AXL: variants seen among roughly 807,000 people sequenced by gnomAD.
AXL encodes the protein AXL receptor tyrosine kinase.
Under a neutral mutation model 104.5 loss-of-function variants are expected in AXL, and 52 were observed. The observed-to-expected ratio is 0.50, with a 90% CI of 0.40 to 0.63. AXL has a LOEUF of 0.63. AXL is among the 20% of genes least tolerant of loss of function. AXL has a pLI of 0.00. For synonymous variants in AXL, 455 were observed against 473.7 expected, an observed-to-expected ratio of 0.96 and a Z score of 0.51; for missense variants, 1,024 against 1,188.5, an observed-to-expected ratio of 0.86 and a Z score of 2.04.
In AXL at chr19:41,238,549, G is replaced by A. The variant is rs768522110; in HGVS notation, c.1074G>A (p.Ala358=). 36 of 1,613,800 alleles carry A rather than the reference G, an allele frequency of 2.2e-5. No individual in the cohort carries two copies. Among genetic ancestry groups the A allele is most frequent in the African/African-American group, 5.3e-5 (4 of 74,914 alleles). Residue 358 remains alanine (A), a synonymous_variant, in exon 8 of 20, where the codon GCG becomes GCA. Coordinates refer to ENST00000301178, the MANE Select transcript of AXL (RefSeq NM_021913.5). Reference sequence around the variant, plus strand: ...TCGTGCATTGGCAAGAGCCCCGGGCGCCCCTGCAGGGTACCCTGTTAGGGT... The same window carrying A: ...TCGTGCATTGGCAAGAGCCCCGGGCACCCCTGCAGGGTACCCTGTTAGGGT... ...QAFVHWQEPR[A]PLQGTLLGYR... is the part of the protein sequence containing the mutation.
At position 41,222,632 on chromosome 19, in the gene AXL, C is replaced by T. The variant is rs370690229; in HGVS notation, c.586+576C>T. ...AAGAAAGTAGGAGACAGAGGCTGGG[C>T]GTGGTGGCTCACGCCTGTAATCCCA... On this transcript the variant is annotated intron_variant, in intron 4 of 19. Coordinates refer to ENST00000301178, the MANE Select transcript of AXL (RefSeq NM_021913.5). 2.2e-4 allele frequency among the ~76,000 whole-genome samples: 33 copies of T among 152,266 alleles called. No individual in the cohort carries two copies. The East Asian group carries it at 4.2e-3, about 20-fold the overall frequency.
chr19:41,221,212 C>T lies in AXL; in HGVS notation c.375C>T (p.Thr125=), dbSNP rs1329536369. ...GTTTGGTGTTTCTGGGACATCAGAC[C>T]TTCGTGTCCCAGCCTGGCTATGTTG... ...YQCLVFLGHQ[T]FVSQPGYVGL... is the part of the protein sequence containing the mutation. Residue 125 remains threonine, a synonymous_variant, in exon 3 of 20, where the codon ACC becomes ACT. Coordinates refer to ENST00000301178, the MANE Select transcript of AXL (RefSeq NM_021913.5). 1 of 1,614,044 alleles carries T rather than the reference C, an allele frequency of 6.2e-7. No individual in the cohort carries two copies. The highest frequency in any genetic ancestry group is 1.7e-5 in the Admixed American group (1 of 59,986).
In AXL at chr19:41,219,403, G is replaced by A. The variant is rs779811231; in HGVS notation, c.11G>A (p.Arg4Gln). Residue 4 changes from arginine to glutamine, a missense_variant, in exon 1 of 20, where the codon CGG (arginine) becomes CAG (glutamine). Arg to Gln is a conservative substitution (Grantham distance 43). Transcript: ENST00000301178. Reference protein sequence around the residue: MAWRCPRMGRVPLA... With the variant: MAWQCPRMGRVPLA... ...GAAAGTTTGGCACCCATGGCGTGGC[G>A]GTGCCCCAGGATGGGCAGGGTCCCG... 28 of 1,600,246 alleles carry A rather than the reference G, an allele frequency of 1.7e-5. No homozygotes were observed. The highest frequency in any genetic ancestry group is 2.7e-5 in the African/African-American group (2 of 74,680).
Position 41,252,948 on chromosome 19 carries a change from G to T in AXL, c.1907G>T (p.Arg636Leu), listed in dbSNP as rs768766039. 6 of 1,614,026 alleles carry T rather than the reference G, an allele frequency of 3.7e-6. No individual in the cohort carries two copies. In the South Asian group the frequency reaches 4.4e-5, roughly 12 times the overall value. ...CTACACAGCTTCCTCCTCTATTCCC[G>T]GCTCGGGGACCAGCCAGTGGTAAGG... ...GDLHSFLLYS[R>L]LGDQPVYLPT... Residue 636 changes from arginine (R) to leucine (L), a missense_variant, in exon 16 of 20, where the codon CGG becomes CTG. Around this residue, in one of 5 missense-constraint regions of AXL, gnomAD observed 523 missense variants for 636.0 expected, o/e 0.82. Coordinates refer to ENST00000301178, the MANE Select transcript of AXL (RefSeq NM_021913.5).
chr19:41,230,685 GTGTGCC>G (rs550355942), intron 4 of AXL, among the ~76,000 whole-genome samples: 201 of 152,008 alleles, frequency 1.3e-3, no homozygotes, highest in Non-Finnish European at 2.3e-3. Context: ...GAGACAGTGT[GTGTGCC>G]TGTGCCTGTG....
intron 18 of AXL, 23 bp from the exon 19 acceptor site, chr19:41,257,470 C>G: frequency 6.2e-7 from 1 of 1,613,990 alleles, no homozygotes; most frequent in Non-Finnish European, 8.5e-7. Flanking sequence ...GAGAGACTGT[C>G]TAATTCCCTC....
At position 41,220,686 on chromosome 19, in the gene AXL, G is replaced by C; in HGVS notation, c.136G>C (p.Gly46Arg). The part of the protein sequence containing the change: ...PFVGNPGNIT[G>R]ARGLTGTLRC... ...CGTGGGCAACCCAGGGAATATCACA[G>C]GTGCCCGGGGACTCACGGGCACCCT... Residue 46 changes from glycine (G) to arginine (R), a missense_variant, in exon 2 of 20, where the codon GGT (glycine) becomes CGT (arginine). Around this residue, in one of 5 missense-constraint regions of AXL, gnomAD observed 124 missense variants for 115.5 expected, o/e 1.07. Coordinates refer to ENST00000301178, the MANE Select transcript of AXL (RefSeq NM_021913.5). The C allele has an allele frequency of 6.2e-7, 1 of 1,610,552 alleles. No individual in the cohort carries two copies.
chr19:41,243,540 G>C, intron 11 of AXL, 76 bp from the exon 12 acceptor site: 1 of 1,145,662 alleles, frequency 8.7e-7, no homozygotes, highest in South Asian at 1.2e-5. Context: ...CTGAGATGGT[G>C]CTTGCTCAAC....
chr19:41,239,460 A>G (rs907515945), intron 9 of AXL, 146 bp downstream of exon 9: 7 of 1,244,158 alleles, frequency 5.6e-6, no homozygotes, highest in Non-Finnish European at 7.8e-6. Flanking sequence ...TCCCTTACCC[A>G]TGCCAACCCC....
chr19:41,253,465 AG>A, intron 16 of AXL, 133 bp from the exon 17 acceptor site: 1 of 672,170 alleles, frequency 1.5e-6, no homozygotes, highest in Non-Finnish European at 2.7e-6. Flanking sequence ...GGCCATGGAG[AG>A]GGGTTGGGTT....
intron 4 of AXL, 114 bp downstream of exon 4, chr19:41,222,170 C>A: frequency 2.6e-6 from 3 of 1,160,026 alleles, no homozygotes; most frequent in Non-Finnish European, 2.3e-6. Flanking sequence ...CTGTCCCTCA[C>A]TGTCTGTCTC....
At chr19:41,241,804 T>C (rs1241579355) in intron 10 of AXL, among the ~76,000 whole-genome samples, 6 of 152,116 alleles carry the variant, frequency 3.9e-5, no homozygotes, top group Non-Finnish European at 8.8e-5. Context: ...ACCGGGCCAC[T>C]GCACTCCAGC....
Position 41,220,811 on chromosome 19 carries a change from C to T in AXL, c.261C>T (p.Pro87=), listed in dbSNP as rs766871347. 6.2e-7 allele frequency: 1 copy of T among 1,614,040 alleles called. No homozygotes were observed. Among genetic ancestry groups the T allele is most frequent in the East Asian group, 2.2e-5 (1 of 44,836 alleles). The part of the protein sequence containing the change: ...ELADSTQTQV[P]LGEDEQDDWI... The stretch of plus-strand genomic sequence containing the variant: ...CGGACAGCACCCAGACCCAGGTGCC[C>T]CTGGGTGAGGATGAACAGGATGACT... The change falls in exon 2 of 20, where the codon CCC becomes CCT. Residue 87 remains proline (P), a synonymous_variant. Transcript: ENST00000301178.
chr19:41,231,265 C>A lies in AXL; in HGVS notation c.750C>A (p.Ser250Arg). Reference protein sequence around the residue: ...ELEVAWTPGLSGIYPLTHCTL... With the variant: ...ELEVAWTPGLRGIYPLTHCTL... ...AGGTGGCTTGGACTCCAGGCCTGAG[C>A]GGCATCTACCCCCTGACCCACTGCA... is the stretch of plus-strand genomic sequence containing the variant. The change falls in exon 6 of 20, where the codon AGC becomes AGA. Residue 250 changes from serine (S) to arginine (R), a missense_variant. Ser to Arg is a moderately radical substitution (Grantham distance 110, BLOSUM62 -1). Transcript: ENST00000301178. 6.2e-7 allele frequency: 1 copy of A among 1,613,760 alleles called. No homozygotes were observed. The highest frequency in any genetic ancestry group is 2.2e-5 in the East Asian group (1 of 44,876).
Position 41,219,267 on chromosome 19 carries a change from G to A in AXL, c.-126G>A. ...AGAGCCGGTGGCAAGGGCCTCCCCT[G>A]CCGCTGTGCCAGGCAGGCAGTGCCA... On this transcript the variant is annotated 5_prime_UTR_variant, in exon 1 of 20. Transcript: ENST00000301178. 2 of 900,378 alleles carry A rather than the reference G, an allele frequency of 2.2e-6. No individual in the cohort carries two copies. Among genetic ancestry groups the A allele is most frequent in the South Asian group, 1.8e-5 (1 of 56,898 alleles). The allele number at this position is 900,378 out of a possible 1,614,324, so 55.8% of individuals were successfully genotyped here. A position where few individuals can be genotyped will look rare whatever the true frequency, so the allele number is the denominator to read the frequency against.
chr19:41,233,398 C>T (rs1233592098), intron 6 of AXL, among the ~76,000 whole-genome samples: 1 of 147,488 alleles, frequency 6.8e-6, no homozygotes, highest in Non-Finnish European at 1.5e-5. Context: ...AAAATAGTGG[C>T]TATTGGCTGG....
In AXL at chr19:41,230,972, A is replaced by C. The variant is rs1393254533; in HGVS notation, c.592A>C (p.Asn198His). 2 of 1,613,870 alleles carry C rather than the reference A, an allele frequency of 1.2e-6. No individual in the cohort carries two copies. Residue 198 changes from asparagine to histidine, a missense_variant, in exon 5 of 20, where the codon AAC becomes CAC. By Grantham distance (68) the Asn-to-His change is moderately conservative. Transcript: ENST00000301178. Reference protein sequence around the residue: ...PQRSLHVPGLNKTSSFSCEAH... With the variant: ...PQRSLHVPGLHKTSSFSCEAH... ...TCCCTCATATGACTCCCTAGGGCTGAACAAGACATCCTCTTTCTCCTGCGA... is the reference window on the plus strand; with the variant it reads ...TCCCTCATATGACTCCCTAGGGCTGCACAAGACATCCTCTTTCTCCTGCGA...
At chr19:41,237,188 C>T (rs1004684659) in intron 6 of AXL, among the ~76,000 whole-genome samples, 1 of 152,124 alleles carries the variant, frequency 6.6e-6, no homozygotes, top group African/African-American at 2.4e-5. Context: ...ATTGCTTTTG[C>T]CTGTAGTATA....
intron 6 of AXL, among the ~76,000 whole-genome samples, chr19:41,231,652 C>T (rs1217691875): frequency 4.6e-5 from 7 of 152,070 alleles, no homozygotes; most frequent in Admixed American, 2.0e-4. Context: ...ATTGGCCAGG[C>T]GCGGTGGCTC....
Sources: gnomAD v4.1 joint callset for allele counts (sites outside exome capture counted in the v4.1 genomes callset) on GRCh38, gnomAD v4.1.1 for gene constraint, gnomAD v4.1.1 regional missense constraint, MANE v1.5 for transcripts, NCBI Gene and HGNC (gene_info 2026-07-23, HGNC 2026-07-21) for gene names.